Variants in TASP1 observed in about 807,000 individuals in gnomAD.
TASP1 encodes the protein threonine aspartase 1.
A neutral mutation model predicts 56.6 loss-of-function variants in TASP1; 16 were observed. That is an observed-to-expected ratio of 0.28 (90% CI 0.19 to 0.43). TASP1 has a LOEUF of 0.43. Ranked by LOEUF, TASP1 falls within the 20% of genes least tolerant of loss-of-function variation. The pLI, the probability that TASP1 is intolerant of heterozygous loss-of-function variation, is 1.00. For missense variants in TASP1, 393 were observed against 511.6 expected, an observed-to-expected ratio of 0.77 and a Z score of 2.24; for synonymous variants, 179 against 184.2, an observed-to-expected ratio of 0.97 and a Z score of 0.23.
chr20:13,549,962 T>G (rs945317970), intron 8 of TASP1, among the ~76,000 whole-genome samples: 1 of 152,112 alleles, frequency 6.6e-6, no homozygotes, highest in Non-Finnish European at 1.5e-5. Context: ...AAACAGTAGT[T>G]AAGATTTCTT....
the TASP1 span, chr20:13,270,541 C>T: frequency 2.4e-5 from 38 of 1,613,614 alleles, no homozygotes; most frequent in South Asian, 5.5e-5. Context: ...ACATCAGAAA[C>T]CAGCTTTTCT....
At chr20:13,619,022 G>A (rs893855229) in intron 4 of TASP1, among the ~76,000 whole-genome samples, 12 of 151,924 alleles carry the variant, frequency 7.9e-5, no homozygotes, top group Non-Finnish European at 1.3e-4. Flanking sequence ...TTACAGGAAC[G>A]CGCCACAATG....
At chr20:13,340,591 G>C in the TASP1 span, among the ~76,000 whole-genome samples, 2 of 151,826 alleles carry the variant, frequency 1.3e-5, no homozygotes, top group African/African-American at 4.8e-5. Flanking sequence ...TTTGACACAA[G>C]CATACAATGT....
intron 11 of TASP1, among the ~76,000 whole-genome samples, chr20:13,454,677 G>A (rs1487239789): frequency 6.6e-6 from 1 of 152,142 alleles, no homozygotes; most frequent in Non-Finnish European, 1.5e-5. Context: ...GTCATTACAT[G>A]ATATCAAGTG....
the TASP1 span, among the ~76,000 whole-genome samples, chr20:13,345,285 G>T: frequency 6.6e-6 from 1 of 152,168 alleles, no homozygotes; most frequent in African/African-American, 2.4e-5. Flanking sequence ...CAGAACGTGG[G>T]GAATTTGTTG....
At chr20:13,275,432 T>C in the TASP1 span, among the ~76,000 whole-genome samples, 5 of 152,188 alleles carry the variant, frequency 3.3e-5, no homozygotes, top group Admixed American at 2.6e-4. Context: ...CATGGACCCA[T>C]GCCCCTATAG....
At chr20:13,517,954 T>A (rs1045272346) in intron 10 of TASP1, among the ~76,000 whole-genome samples, 1 of 152,146 alleles carries the variant, frequency 6.6e-6, no homozygotes, top group African/African-American at 2.4e-5. Context: ...TGTAAATGAA[T>A]ATTATTTTTC....
chr20:13,588,059 G>A (rs1555796830), intron 4 of TASP1, among the ~76,000 whole-genome samples: 1 of 152,102 alleles, frequency 6.6e-6, no homozygotes, highest in South Asian at 2.1e-4. Context: ...CTAGGAGATT[G>A]AGGCTCCAGC....
chr20:13,367,446 C>A, the TASP1 span, among the ~76,000 whole-genome samples: 1 of 152,296 alleles, frequency 6.6e-6, no homozygotes, highest in South Asian at 2.1e-4. Flanking sequence ...TAATGATATT[C>A]CACAAGACTG....
intron 8 of TASP1, among the ~76,000 whole-genome samples, chr20:13,538,327 T>C (rs1355338200): frequency 1.3e-5 from 2 of 152,104 alleles, no homozygotes; most frequent in East Asian, 3.9e-4. Context: ...TTTTATCTTA[T>C]TAACTCAGTC....
intron 10 of TASP1, among the ~76,000 whole-genome samples, chr20:13,521,963 G>A (rs2044777830): frequency 6.6e-6 from 1 of 152,142 alleles, no homozygotes; most frequent in African/African-American, 2.4e-5. Flanking sequence ...ACTCATCAAG[G>A]TGACTCATTT....
the TASP1 span, among the ~76,000 whole-genome samples, chr20:13,145,393 A>G: frequency 4.6e-5 from 7 of 152,200 alleles, no homozygotes; most frequent in African/African-American, 1.4e-4. Flanking sequence ...CACAATTGCC[A>G]CAAAAAGAAT....
chr20:13,272,611 T>C, the TASP1 span, among the ~76,000 whole-genome samples: 10 of 152,230 alleles, frequency 6.6e-5, no homozygotes, highest in Non-Finnish European at 1.5e-4. Flanking sequence ...TGACAACCCA[T>C]GCACAGAAAT....
intron 4 of TASP1, among the ~76,000 whole-genome samples, chr20:13,616,043 C>T (rs529196781): frequency 6.6e-6 from 1 of 152,092 alleles, no homozygotes; most frequent in South Asian, 2.1e-4. Flanking sequence ...CCTGATGCCG[C>T]AAATGACACA....
At chr20:13,243,876 A>G in the TASP1 span, among the ~76,000 whole-genome samples, 1 of 152,236 alleles carries the variant, frequency 6.6e-6, no homozygotes, top group East Asian at 1.9e-4. Context: ...TAGCAGGCAC[A>G]GTTTTCCTGA....
chr20:13,499,366 T>C (rs1412344438), intron 10 of TASP1, among the ~76,000 whole-genome samples: 2 of 151,238 alleles, frequency 1.3e-5, no homozygotes, highest in Admixed American at 1.3e-4. Flanking sequence ...GGTACTACAC[T>C]CACTACCTGG....
chr20:13,317,231 A>G, the TASP1 span, among the ~76,000 whole-genome samples: 9 of 126,842 alleles, frequency 7.1e-5, no homozygotes, highest in South Asian at 1.3e-3. Flanking sequence ...AATAAAATAC[A>G]TACAAGATCT....
intron 10 of TASP1, among the ~76,000 whole-genome samples, chr20:13,496,873 A>T (rs1480450200): frequency 2.0e-5 from 3 of 152,164 alleles, no homozygotes; most frequent in South Asian, 4.1e-4. Context: ...ATCTCAATAA[A>T]CCTAATTCCA....
At chr20:13,382,541 G>A in the TASP1 span, among the ~76,000 whole-genome samples, 1 of 152,304 alleles carries the variant, frequency 6.6e-6, no homozygotes, top group East Asian at 1.9e-4. Flanking sequence ...AGCTAGTTGG[G>A]AGGCTGATGT....
Sources: allele counts gnomAD v4.1 joint callset (sites outside exome capture counted in the v4.1 genomes callset), GRCh38; gene constraint gnomAD v4.1.1; transcripts MANE v1.5; gene names NCBI Gene and HGNC (gene_info 2026-07-23, HGNC 2026-07-21).